The following GPR158 variants were observed in gnomAD, a reference collection of about 807,000 sequenced individuals.
GPR158 encodes the protein metabotropic glycine receptor.
A neutral mutation model predicts 78.2 loss-of-function variants in GPR158; 30 were observed. The observed-to-expected ratio is 0.38, with a 90% CI of 0.29 to 0.52. The LOEUF (loss-of-function observed/expected upper bound fraction) is 0.52, where lower values mean the gene tolerates loss of function less well. GPR158 is among the 20% of genes least tolerant of loss of function. GPR158 has a pLI of 0.83. For synonymous variants in GPR158, 581 were observed against 591.1 expected, an observed-to-expected ratio of 0.98 and a Z score of 0.25; for missense variants, 1,463 against 1,523.5, an observed-to-expected ratio of 0.96 and a Z score of 0.66.
intron 5 of GPR158, among the ~76,000 whole-genome samples, chr10:25,521,896 A>G (rs1836281331): frequency 6.6e-6 from 1 of 152,230 alleles, no homozygotes; most frequent in African/African-American, 2.4e-5. Flanking sequence ...TGAATCCTAC[A>G]TAGACAATAA....
At chr10:25,217,396 C>T (rs1853231756) in intron 1 of GPR158, among the ~76,000 whole-genome samples, 1 of 152,102 alleles carries the variant, frequency 6.6e-6, no homozygotes, top group South Asian at 2.1e-4. Flanking sequence ...CCTACCCATC[C>T]AACAGTTACC....
At chr10:25,483,254 C>T (rs1835683853) in intron 5 of GPR158, among the ~76,000 whole-genome samples, 1 of 152,044 alleles carries the variant, frequency 6.6e-6, no homozygotes, top group Non-Finnish European at 1.5e-5. Context: ...ATGATCTGCT[C>T]CTGTAACACT....
At chr10:25,289,939 T>C (rs367902065) in intron 2 of GPR158, among the ~76,000 whole-genome samples, 6 of 152,334 alleles carry the variant, frequency 3.9e-5, no homozygotes, top group Admixed American at 1.3e-4. Flanking sequence ...ATCAAGACTG[T>C]AATTAATTGT....
chr10:25,529,299 A>T (rs1208738647), intron 5 of GPR158, among the ~76,000 whole-genome samples: 3 of 152,126 alleles, frequency 2.0e-5, no homozygotes, highest in Non-Finnish European at 4.4e-5. Context: ...AGGCAGGAGA[A>T]TCACTTGAAC....
chr10:25,353,137 A>C (rs932131176), intron 2 of GPR158, among the ~76,000 whole-genome samples: 1 of 152,176 alleles, frequency 6.6e-6, no homozygotes, highest in South Asian at 2.1e-4. Flanking sequence ...TTAACTATCT[A>C]CAAATTAGGG....
intron 4 of GPR158, among the ~76,000 whole-genome samples, chr10:25,442,173 T>C (rs1221989516): frequency 1.3e-5 from 2 of 152,208 alleles, no homozygotes; most frequent in East Asian, 3.9e-4. Context: ...GACTGAGAGA[T>C]GATAAAAGCT....
Position 25,411,929 on chromosome 10 carries a change from A to C in GPR158, c.1112-321A>C, listed in dbSNP as rs1424233989. On this transcript the variant is annotated intron_variant, in intron 3 of 10. Transcript: ENST00000376351. ...AGCCTGGGCGACAGAGCGAGACTCT[A>C]TCACAAAAAAAAAAAAAAAAAAAAA... 2.4e-4 allele frequency among the ~76,000 whole-genome samples: 19 copies of C among 79,836 alleles called. 1 individual carries two copies. The highest frequency in any genetic ancestry group is 9.2e-4 in the African/African-American group (17 of 18,508). The allele number at this position is 79,836 out of a possible 152,430, so 52.4% of individuals were successfully genotyped here. A position where few individuals can be genotyped will look rare whatever the true frequency, so the allele number is the denominator to read the frequency against.
chr10:25,475,305 C>T (rs1835567257), intron 5 of GPR158: 1 of 152,084 alleles, frequency 6.6e-6, no homozygotes. Flanking sequence ...AAATTCCACC[C>T]AACAGAAACA....
rs563365515 is a variant in GPR158 at position 25,292,582 on chromosome 10, G to C, written c.1008+71425G>C. ...CATTGAATGAGGGAGTAAACAGTTG[G>C]AGAATGGGAAGTAGATAGAGCTAAA... is the stretch of plus-strand genomic sequence containing the variant. On this transcript the variant is annotated intron_variant, in intron 2 of 10. Transcript: ENST00000376351. Among the ~76,000 whole-genome samples the C allele has an allele frequency of 3.3e-5, 5 of 152,156 alleles. No homozygotes were observed. The South Asian group carries it at 6.2e-4, about 19-fold the overall frequency.
intron 2 of GPR158, among the ~76,000 whole-genome samples, chr10:25,310,328 G>A (rs78488777): frequency 0.026 from 3,907 of 152,234 alleles, 175 homozygotes; most frequent in African/African-American, 0.089. Flanking sequence ...GGATCAGAGA[G>A]TGTTAGTCCT....
intron 5 of GPR158, among the ~76,000 whole-genome samples, chr10:25,474,951 A>T (rs879737679): frequency 6.6e-6 from 1 of 152,126 alleles, no homozygotes; most frequent in Non-Finnish European, 1.5e-5. Context: ...GCAGAAGTTC[A>T]GTTCATTTTG....
At chr10:25,245,520 G>A (rs1050039541) in intron 2 of GPR158, among the ~76,000 whole-genome samples, 3 of 152,174 alleles carry the variant, frequency 2.0e-5, no homozygotes, top group African/African-American at 7.2e-5. Flanking sequence ...GTTCTGTTGT[G>A]TATGAGTGTG....
At position 25,530,091 on chromosome 10, in the gene GPR158, C is replaced by T. The variant is rs113950456; in HGVS notation, c.1405-20885C>T. Among the ~76,000 whole-genome samples the T allele has an allele frequency of 8.2e-3, 1,253 of 152,164 alleles. 12 individuals carry two copies. Among genetic ancestry groups the T allele is most frequent in the African/African-American group, 0.029 (1,189 of 41,520 alleles). ...TTCTTATAGGTTGTAGGTGGGGAGG[C>T]GGGAGATGGGTGGCAGCTGAAGATC... On this transcript the variant is annotated intron_variant, in intron 5 of 10. Transcript: ENST00000376351.
chr10:25,301,390 C>T (rs1386932636), intron 2 of GPR158, among the ~76,000 whole-genome samples: 1 of 152,072 alleles, frequency 6.6e-6, no homozygotes, highest in Non-Finnish European at 1.5e-5. Flanking sequence ...ATGTCATTGC[C>T]CGGTCCCTAC....
At position 25,241,284 on chromosome 10, in the gene GPR158, C is replaced by CCTTTCTTTTCTTTTCTTTTCT. The variant is rs1195195853; in HGVS notation, c.1008+20127_1008+20128insCTTTCTTTTCTTTTCTTTTCT. Among the ~76,000 whole-genome samples the CCTTTCTTTTCTTTTCTTTTCT allele has an allele frequency of 1.3e-3, 140 of 108,942 alleles. 1 individual carries two copies. Among genetic ancestry groups the CCTTTCTTTTCTTTTCTTTTCT allele is most frequent in the South Asian group, 7.2e-3 (23 of 3,186 alleles). 71.5% of individuals were successfully genotyped at this position (108,942 alleles called of 152,430 possible). A position where few individuals can be genotyped will look rare whatever the true frequency, so the allele number is the denominator to read the frequency against. Reference sequence around the variant, plus strand: ...CTTTCTTTCTTTCCTTTCTTTCTTTCTTTTCTTTTCTTTTCTTTTCTTTTC... The same window carrying CCTTTCTTTTCTTTTCTTTTCT: ...CTTTCTTTCTTTCCTTTCTTTCTTTCCTTTCTTTTCTTTTCTTTTCTTTTTCTTTTCTTTTCTTTTCTTTTC... On this transcript the variant is annotated intron_variant, in intron 2 of 10. Coordinates refer to ENST00000376351, the MANE Select transcript of GPR158 (RefSeq NM_020752.3).
intron 2 of GPR158, among the ~76,000 whole-genome samples, chr10:25,243,862 C>G (rs1283030283): frequency 6.6e-6 from 1 of 152,106 alleles, no homozygotes; most frequent in Non-Finnish European, 1.5e-5. Flanking sequence ...ACTAGAGTTT[C>G]CTTTATGTGT....
At chr10:25,477,372 C>T (rs572968236) in intron 5 of GPR158, among the ~76,000 whole-genome samples, 84 of 152,280 alleles carry the variant, frequency 5.5e-4, no homozygotes, top group South Asian at 2.9e-3. Flanking sequence ...TTTAGGCTGG[C>T]TCCTGTATCC....
At chr10:25,400,130 T>C (rs986111468) in intron 3 of GPR158, among the ~76,000 whole-genome samples, 19 of 152,330 alleles carry the variant, frequency 1.2e-4, no homozygotes, top group African/African-American at 4.6e-4. Context: ...TTATCTCAAA[T>C]ATTTCATTAT....
At chr10:25,465,845 T>C (rs1268307202) in intron 4 of GPR158, among the ~76,000 whole-genome samples, 1 of 152,194 alleles carries the variant, frequency 6.6e-6, no homozygotes, top group African/African-American at 2.4e-5. Context: ...ATCTCGTTTG[T>C]AAATTTCGTG....
Sources: gnomAD v4.1 joint callset for allele counts (sites outside exome capture counted in the v4.1 genomes callset) on GRCh38, gnomAD v4.1.1 for gene constraint, MANE v1.5 for transcripts, NCBI Gene and HGNC (gene_info 2026-07-23, HGNC 2026-07-21) for gene names.